The following CYP4F11 variants were observed in gnomAD, a reference collection of about 807,000 sequenced individuals.
CYP4F11 encodes cytochrome P450 4F11.
Under a neutral mutation model 62.2 loss-of-function variants are expected in CYP4F11, and 79 were observed. The observed-to-expected ratio is 1.27, with a 90% confidence interval of 1.06 to 1.53. The LOEUF (loss-of-function observed/expected upper bound fraction) is 1.53, where lower values mean the gene tolerates loss of function less well. CYP4F11 is among the 40% of genes most tolerant of loss of function. CYP4F11 has a pLI of 0.00. For missense variants in CYP4F11, 777 were observed against 680.5 expected, an observed-to-expected ratio of 1.14 and a Z score of -1.58; for synonymous variants, 290 against 263.7, an observed-to-expected ratio of 1.10 and a Z score of -0.97.
intron 1 of CYP4F11, among the ~76,000 whole-genome samples, chr19:15,930,153 T>A (rs998025476): frequency 1.2e-4 from 18 of 151,988 alleles, no homozygotes; most frequent in Non-Finnish European, 2.2e-4. Context: ...GTAATGCACC[T>A]CCCCACCAGG....
chr19:15,927,108 G>T, intron 4 of CYP4F11, 104 bp downstream of exon 4: 1 of 1,319,476 alleles, frequency 7.6e-7, no homozygotes, highest in Non-Finnish European at 1.0e-6. Flanking sequence ...GGCTCAGAGA[G>T]GAAGAGCATT....
Position 15,914,874 on chromosome 19 carries a change from G to T in CYP4F11, c.1137C>A (p.Pro379=). Residue 379 remains proline, a synonymous_variant, in exon 9 of 12, where the codon CCC becomes CCA. Transcript: ENST00000402119. ...TCTCCTTAATGCACATGGTCAGGAA[G>T]GGCAGCTGGGCCAGGTCGTCCCTAA... The part of the protein sequence containing the change: ...EIEWDDLAQL[P]FLTMCIKESL... 6.2e-7 allele frequency: 1 copy of T among 1,614,172 alleles called. No individual in the cohort carries two copies.
Position 15,924,625 on chromosome 19 carries a change from A to G in CYP4F11, c.647+136T>C, listed in dbSNP as rs948324727. The G allele has an allele frequency of 5.2e-6, 5 of 966,610 alleles. No individual in the cohort carries two copies. The African/African-American group carries it at 6.6e-5, about 13-fold the overall frequency. The allele number at this position is 966,610 out of a possible 1,614,324, so 59.9% of individuals were successfully genotyped here. A position where few individuals can be genotyped will look rare whatever the true frequency, so the allele number is the denominator to read the frequency against. On this transcript the variant is annotated intron_variant, in intron 5 of 11. Transcript: ENST00000402119. ...GTCTACTGTCTCTTTCCCCCTCCCC[A>G]TCCTTCAAAGCCCAGCTATGACACA...
chr19:15,923,238 CCTCTCTCTCT>C (rs3056063), intron 6 of CYP4F11, among the ~76,000 whole-genome samples: 264 of 110,508 alleles, frequency 2.4e-3, no homozygotes, highest in South Asian at 6.7e-3. Context: ...AAGCAAACAT[CCTCTCTCTCT>C]CTCTCTCTCT....
intron 8 of CYP4F11, among the ~76,000 whole-genome samples, chr19:15,921,449 G>C (rs74354338): frequency 6.6e-6 from 1 of 152,172 alleles, no homozygotes; most frequent in Non-Finnish European, 1.5e-5. Context: ...GGAGTTTCCT[G>C]TCCTGGGACT....
At chr19:15,934,042 G>T (rs991289837) in intron 1 of CYP4F11, among the ~76,000 whole-genome samples, 169 bp downstream of exon 1, 3 of 139,438 alleles carry the variant, frequency 2.2e-5, no homozygotes, top group Non-Finnish European at 3.1e-5. Flanking sequence ...ATGAGTGAGC[G>T]GGGAGAGGAA....
In CYP4F11 at chr19:15,927,307, A is replaced by G; in HGVS notation, c.430T>C (p.Trp144Arg). The G allele has an allele frequency of 1.2e-6, 2 of 1,614,140 alleles. No individual in the cohort carries two copies. The highest frequency in any genetic ancestry group is 1.6e-4 in the Middle Eastern group (1 of 6,062). The change falls in exon 4 of 12, where the codon TGG (tryptophan) becomes CGG (arginine). Residue 144 changes from tryptophan (W) to arginine (R), a missense_variant. By Grantham distance (101) the Trp-to-Arg change is moderately radical. Transcript: ENST00000402119. ...DGLLLSGGDK[W>R]SRHRRMLTPA... The stretch of plus-strand genomic sequence containing the variant: ...GTCAACATCCGACGGTGGCGGCTCC[A>G]CTTGTCACCACCACTCAGCAGGAGC...
Position 15,913,800 on chromosome 19 carries a change from C to G in CYP4F11, c.1507G>C (p.Glu503Gln), listed in dbSNP as rs1213351032. The G allele has an allele frequency of 6.2e-7, 1 of 1,614,220 alleles. No homozygotes were observed. Among genetic ancestry groups the G allele is most frequent in the East Asian group, 2.2e-5 (1 of 44,884 alleles). ...PTHTEPRRKPELILRAEGGLW... is the reference protein window; with the variant it reads ...PTHTEPRRKPQLILRAEGGLW... ...CCACCCTCTGCGCGCAATATCAGCT[C>G]GGGTTTCCTGCGGGGTTCAGTGTGG... Residue 503 changes from glutamate to glutamine, a missense_variant, in exon 12 of 12, where the codon GAG becomes CAG. Coordinates refer to ENST00000402119, the MANE Select transcript of CYP4F11 (RefSeq NM_021187.4).
chr19:15,923,298 G>A (rs73524912), intron 6 of CYP4F11, among the ~76,000 whole-genome samples: 2,460 of 115,702 alleles, frequency 0.021, 61 homozygotes, highest in African/African-American at 0.075. Context: ...TCCCACTCTC[G>A]CCCTGGAAGG....
chr19:15,929,636 T>C (rs1404008296), intron 1 of CYP4F11, 35 bp from the exon 2 acceptor site: 17 of 1,546,828 alleles, frequency 1.1e-5, no homozygotes, highest in Non-Finnish European at 1.4e-5. Flanking sequence ...GCCCTTGTGA[T>C]GGTTAATTCT....
chr19:15,934,337 C>T lies in CYP4F11; in HGVS notation c.72G>A (p.Leu24=). ...VAASPWLLLL[L]VGGSWLLARV... is the part of the protein sequence containing the mutation. Reference sequence around the variant, plus strand: ...GGGCCAGGAGCCAGGAGCCTCCAACCAGCAGCAGAAGCAGCCACGGGGATG... The same window carrying T: ...GGGCCAGGAGCCAGGAGCCTCCAACTAGCAGCAGAAGCAGCCACGGGGATG... The change falls in exon 1 of 12, where the codon CTG becomes CTA. Residue 24 remains leucine (L), a synonymous_variant. Coordinates refer to ENST00000402119, the MANE Select transcript of CYP4F11 (RefSeq NM_021187.4). 1 of 1,613,590 alleles carries T rather than the reference C, an allele frequency of 6.2e-7. No individual in the cohort carries two copies. Among genetic ancestry groups the T allele is most frequent in the Non-Finnish European group, 8.5e-7 (1 of 1,179,706 alleles).
At chr19:15,930,802 G>A (rs542681350) in intron 1 of CYP4F11, among the ~76,000 whole-genome samples, 7 of 152,128 alleles carry the variant, frequency 4.6e-5, no homozygotes, top group South Asian at 2.1e-4. Context: ...TCCCTTTCAC[G>A]TCCTGGCTGG....
At chr19:15,934,700 A>T, upstream of CYP4F11, 1 of 339,466 alleles carries the variant, frequency 2.9e-6, no homozygotes, top group Non-Finnish European at 5.4e-6. Flanking sequence ...TTACCAGGAA[A>T]TCACCAGTCT....
intron 2 of CYP4F11, among the ~76,000 whole-genome samples, chr19:15,928,983 T>A (rs935419452): frequency 1.3e-5 from 2 of 152,176 alleles, no homozygotes; most frequent in African/African-American, 4.8e-5. Flanking sequence ...GGTACCTGTA[T>A]ACTAATGATG....
Position 15,913,729 on chromosome 19 carries a change from C to A in CYP4F11, c.*3G>T. The A allele has an allele frequency of 6.2e-7, 1 of 1,614,068 alleles. No homozygotes were observed. Among genetic ancestry groups the A allele is most frequent in the Non-Finnish European group, 8.5e-7 (1 of 1,179,966 alleles). ...TACAGAGGTGGGTGGGTGGGTAGGA[C>A]AGTCACTGTGAGTTCGCACCCAGGG... On this transcript the variant is annotated 3_prime_UTR_variant, in exon 12 of 12. Coordinates refer to ENST00000402119, the MANE Select transcript of CYP4F11 (RefSeq NM_021187.4).
At chr19:15,927,181 C>A in intron 4 of CYP4F11, 31 bp downstream of exon 4, 1 of 1,608,366 alleles carries the variant, frequency 6.2e-7, no homozygotes, top group Non-Finnish European at 8.5e-7. Context: ...CCCCAAGGCT[C>A]CAGCTGGGAC....
intron 8 of CYP4F11, among the ~76,000 whole-genome samples, chr19:15,915,992 A>T (rs1025425434): frequency 1.3e-5 from 2 of 152,078 alleles, no homozygotes; most frequent in African/African-American, 4.8e-5. Flanking sequence ...CAATGAATTT[A>T]TACATTTCCC....
At chr19:15,918,071 T>C (rs2089596196) in intron 8 of CYP4F11, among the ~76,000 whole-genome samples, 1 of 152,008 alleles carries the variant, frequency 6.6e-6, no homozygotes, top group African/African-American at 2.4e-5. Flanking sequence ...ACAAAGAAAA[T>C]GTGGTTCATA....
At chr19:15,916,721 A>G (rs1039471896) in intron 8 of CYP4F11, among the ~76,000 whole-genome samples, 3 of 152,066 alleles carry the variant, frequency 2.0e-5, no homozygotes, top group Non-Finnish European at 2.9e-5. Context: ...AACCACAGTG[A>G]GATACCCCCT....
Sources: gnomAD v4.1 joint callset for allele counts (sites outside exome capture counted in the v4.1 genomes callset) on GRCh38, gnomAD v4.1.1 for gene constraint, MANE v1.5 for transcripts, NCBI Gene and HGNC (gene_info 2026-07-23, HGNC 2026-07-21) for gene names.